Variants in DNAJC13 observed in about 807,000 individuals in gnomAD.
The protein encoded by DNAJC13 is DnaJ heat shock protein family (Hsp40) member C13.
In DNAJC13, 75 loss-of-function variants were observed where a neutral mutation model predicts 290.5. The observed-to-expected ratio is 0.26, with a 90% CI of 0.21 to 0.31. The LOEUF (loss-of-function observed/expected upper bound fraction) is 0.31, where lower values mean the gene tolerates loss of function less well. DNAJC13 is among the 10% of genes least tolerant of loss of function. DNAJC13 has a pLI of 1.00. For synonymous variants in DNAJC13, 862 were observed against 892.0 expected, an observed-to-expected ratio of 0.97 and a Z score of 0.60; for missense variants, 2,260 against 2,674.5, an observed-to-expected ratio of 0.85 and a Z score of 3.42.
intron 51 of DNAJC13, 130 bp from the exon 52 acceptor site, chr3:132,525,480 T>G: frequency 1.2e-6 from 1 of 849,832 alleles, no homozygotes; most frequent in Non-Finnish European, 1.8e-6. Context: ...TTAGGATTAG[T>G]GAATCTGTTT....
rs572672089 is a variant in DNAJC13, at chr3:132,528,022, TAAAATCTCATTAAATA to T, written c.6382-161_6382-146del. 2.2e-4 allele frequency among the ~76,000 whole-genome samples: 33 copies of T among 152,320 alleles called. No individual in the cohort carries two copies. In the East Asian group the frequency reaches 5.8e-3, roughly 27 times the overall value. ...CATTTAGAATGGTTAATGGACAGAA[TAAAATCTCATTAAATA>T]AAAATGTCATTAGATACTTAAGCCT... On this transcript the variant is annotated intron_variant, in intron 53 of 55. Transcript: ENST00000260818.
intron 35 of DNAJC13, among the ~76,000 whole-genome samples, chr3:132,495,900 A>G (rs568936524): frequency 1.1e-4 from 17 of 152,268 alleles, no homozygotes; most frequent in Non-Finnish European, 1.3e-4. Flanking sequence ...AATGGAAGAA[A>G]TTTTGAAATC....
In DNAJC13 at chr3:132,467,243, A is replaced by C. The variant is rs1457417957; in HGVS notation, c.2138A>C (p.Lys713Thr). 6.2e-7 allele frequency: 1 copy of C among 1,613,976 alleles called. No individual in the cohort carries two copies. ...GGAAAAGCTGCTAAAGAAGTTGAAA[A>C]ATTTGCCAAAGAAAAAGTGGATCTT... ...LAGKAAKEVEKFAKEKVDLVL... is the reference protein window; with the variant it reads ...LAGKAAKEVETFAKEKVDLVL... The change falls in exon 20 of 56, where the codon AAA becomes ACA. Residue 713 changes from lysine (K) to threonine (T), a missense_variant. Lys to Thr is a moderately conservative substitution (Grantham distance 78, BLOSUM62 -1). Around this residue, in one of 3 missense-constraint regions of DNAJC13, gnomAD observed 762 missense variants for 964.1 expected, o/e 0.79. Coordinates refer to ENST00000260818, the MANE Select transcript of DNAJC13 (RefSeq NM_015268.4).
At chr3:132,421,846 A>G (rs1938967811) in intron 1 of DNAJC13, among the ~76,000 whole-genome samples, 1 of 152,186 alleles carries the variant, frequency 6.6e-6, no homozygotes, top group Non-Finnish European at 1.5e-5. Flanking sequence ...CAGGGTTAAT[A>G]AAGTATAATC....
chr3:132,466,325 A>C lies in DNAJC13; in HGVS notation c.1995A>C (p.Glu665Asp). Residue 665 changes from glutamate to aspartate, a missense_variant, in exon 19 of 56, where the codon GAA (glutamate) becomes GAC (aspartate). This residue lies in a region of DNAJC13 where 762 missense variants were observed against 964.1 expected (regional missense o/e 0.79). Coordinates refer to ENST00000260818, the MANE Select transcript of DNAJC13 (RefSeq NM_015268.4). ...CGCCAGGCTTGCTGGCATACTTGGA[A>C]AGCTCAGATCTCGTACCTGAGAAGG... ...ILPPGLLAYL[E>D]SSDLVPEKDA... The C allele has an allele frequency of 6.3e-7, 1 of 1,592,800 alleles. No homozygotes were observed. The highest frequency in any genetic ancestry group is 8.5e-7 in the Non-Finnish European group (1 of 1,174,224).
chr3:132,481,414 C>T (rs1244538239), intron 26 of DNAJC13, among the ~76,000 whole-genome samples: 1 of 152,072 alleles, frequency 6.6e-6, no homozygotes, highest in African/African-American at 2.4e-5. Context: ...TTGGCAAAAC[C>T]TGTCTTGACA....
chr3:132,499,447 T>C, intron 37 of DNAJC13, 137 bp downstream of exon 37: 3 of 822,284 alleles, frequency 3.6e-6, no homozygotes, highest in Non-Finnish European at 5.4e-6. Flanking sequence ...TCCATATTCT[T>C]ATACCAAATT....
At chr3:132,523,276 C>A in intron 50 of DNAJC13, 77 bp downstream of exon 50, 1 of 1,493,906 alleles carries the variant, frequency 6.7e-7, no homozygotes, top group Non-Finnish European at 9.3e-7. Flanking sequence ...CAGTTTAATG[C>A]CGACCTATAA....
At chr3:132,450,100 T>A (rs896362771) in intron 5 of DNAJC13, among the ~76,000 whole-genome samples, 11 of 152,096 alleles carry the variant, frequency 7.2e-5, no homozygotes, top group African/African-American at 2.7e-4. Flanking sequence ...ATCTTGAAGA[T>A]AACTTTCCAG....
At chr3:132,477,951 C>A in intron 23 of DNAJC13, 30 bp from the exon 24 acceptor site, 1 of 1,600,098 alleles carries the variant, frequency 6.2e-7, no homozygotes. Context: ...ATGGCTATTT[C>A]TATTGTGAAC....
At chr3:132,479,332 ATAAG>A in intron 25 of DNAJC13, 43 bp downstream of exon 25, 1 of 1,311,518 alleles carries the variant, frequency 7.6e-7, no homozygotes, top group Non-Finnish European at 1.1e-6. Flanking sequence ...TCCAAGTCAT[ATAAG>A]TATGTAAGAT....
chr3:132,477,232 C>A (rs1934503004), intron 22 of DNAJC13, among the ~76,000 whole-genome samples: 1 of 152,112 alleles, frequency 6.6e-6, no homozygotes, highest in African/African-American at 2.4e-5. Context: ...TTTATAATTG[C>A]CTGAAATCTT....
rs747843329 is a variant in DNAJC13 at position 132,490,873 on chromosome 3, CTTTTG to C, written c.3469-8_3469-4del. The C allele has an allele frequency of 5.4e-5, 81 of 1,501,008 alleles. 1 individual carries two copies. The Middle Eastern group carries it at 6.4e-4, about 12-fold the overall frequency. The allele number at this position is 1,501,008 out of a possible 1,614,324, so 93.0% of individuals were successfully genotyped here. The stretch of plus-strand genomic sequence containing the variant: ...AGTTAACTTTAGTGTTTTTGACTAC[CTTTTG>C]TTTTGTTTTGTTTTGAAGACAAAAG... On this transcript the variant is annotated intron_variant, in intron 31 of 55. Transcript: ENST00000260818.
chr3:132,484,553 T>C (rs374277145), intron 28 of DNAJC13, 35 bp from the exon 29 acceptor site: 11 of 1,584,160 alleles, frequency 6.9e-6, no homozygotes, highest in Non-Finnish European at 7.8e-6. Flanking sequence ...TTTTAACAAA[T>C]ATATTAAATG....
intron 13 of DNAJC13, 35 bp from the exon 14 acceptor site, chr3:132,460,215 A>T: frequency 7.0e-7 from 1 of 1,436,508 alleles, no homozygotes. Context: ...GGGACTGCTT[A>T]TGAATTATCA....
At chr3:132,461,426 G>A (rs1373671638) in intron 15 of DNAJC13, among the ~76,000 whole-genome samples, 3 of 152,078 alleles carry the variant, frequency 2.0e-5, no homozygotes, top group Non-Finnish European at 4.4e-5. Flanking sequence ...TTGCAAAAAT[G>A]TTTTTAAGAA....
At chr3:132,471,030 C>T (rs1934220184) in intron 20 of DNAJC13, among the ~76,000 whole-genome samples, 1 of 137,792 alleles carries the variant, frequency 7.3e-6, no homozygotes, top group East Asian at 2.3e-4. Flanking sequence ...GACCCCCCCA[C>T]CTCCCTCCCG....
intron 38 of DNAJC13, 82 bp downstream of exon 38, chr3:132,499,890 G>A: frequency 7.6e-7 from 1 of 1,318,678 alleles, no homozygotes; most frequent in East Asian, 2.4e-5. Context: ...TCAACTGGAG[G>A]GCTCATTAAA....
intron 20 of DNAJC13, among the ~76,000 whole-genome samples, chr3:132,469,623 G>GT (rs1934116249): frequency 6.6e-6 from 1 of 152,090 alleles, no homozygotes; most frequent in Non-Finnish European, 1.5e-5. Context: ...TAATTAGAAA[G>GT]TTTAGGAAAA....
Sources: allele counts gnomAD v4.1 joint callset (sites outside exome capture counted in the v4.1 genomes callset), GRCh38; gene constraint gnomAD v4.1.1; regional missense constraint gnomAD v4.1.1; transcripts MANE v1.5; gene names NCBI Gene and HGNC (gene_info 2026-07-23, HGNC 2026-07-21).